Variants in MBTD1 observed in about 807,000 individuals in gnomAD.
MBTD1 encodes the protein MBT domain-containing protein 1.
In MBTD1, 24 loss-of-function variants were observed where a neutral mutation model predicts 87.8. The observed-to-expected ratio is 0.27, with a 90% CI of 0.20 to 0.38. The LOEUF (loss-of-function observed/expected upper bound fraction) is 0.38, where lower values mean the gene tolerates loss of function less well. MBTD1 is among the 10% of genes least tolerant of loss of function. MBTD1 has a pLI of 1.00. For synonymous variants in MBTD1, 237 were observed against 248.6 expected (o/e 0.95, Z 0.44); for missense variants, 436 against 760.2 (o/e 0.57, Z 5.02).
rs141644976 is a variant in MBTD1 at position 51,217,854 on chromosome 17, G to A, written c.404-438C>T. Among the ~76,000 whole-genome samples the A allele has an allele frequency of 7.2e-4, 109 of 152,136 alleles. No individual in the cohort carries two copies. The East Asian group carries it at 0.02, about 28-fold the overall frequency. On this transcript the variant is annotated intron_variant, in intron 5 of 16. Transcript: ENST00000586178. ...CAACTCCTGACCTCGTGATCCACCT[G>A]TCTTGGCCCTGGGATTACAGGTGTG...
intron 16 of MBTD1, chr17:51,185,768 A>G (rs1323883005): frequency 6.6e-6 from 1 of 152,208 alleles, no homozygotes; most frequent in African/African-American, 2.4e-5. Context: ...TTGTCTCACA[A>G]TTCCAGAACT....
intron 2 of MBTD1, among the ~76,000 whole-genome samples, chr17:51,229,372 G>T (rs1342380064): frequency 6.6e-6 from 1 of 151,102 alleles, no homozygotes; most frequent in Non-Finnish European, 1.5e-5. Context: ...CTTCTTTTTG[G>T]TATTAAATGA....
At chr17:51,228,261 C>A (rs989188094) in intron 2 of MBTD1, among the ~76,000 whole-genome samples, 1 of 151,928 alleles carries the variant, frequency 6.6e-6, no homozygotes, top group Non-Finnish European at 1.5e-5. Flanking sequence ...GGAAAAATAA[C>A]GAATGAGTAC....
intron 2 of MBTD1, chr17:51,256,229 C>T (rs1231733753): frequency 6.6e-6 from 1 of 152,120 alleles, no homozygotes; most frequent in Non-Finnish European, 1.5e-5. Context: ...TTTACAGAAA[C>T]TACAGGAGGC....
At chr17:51,188,498 GA>G (rs1350474563) in intron 16 of MBTD1, among the ~76,000 whole-genome samples, 2 of 152,288 alleles carry the variant, frequency 1.3e-5, no homozygotes, top group South Asian at 2.1e-4. Flanking sequence ...GCCAGAATAT[GA>G]TAACCTACCA....
chr17:51,259,632 C>T (rs1393967121), intron 1 of MBTD1, among the ~76,000 whole-genome samples: 3 of 150,680 alleles, frequency 2.0e-5, no homozygotes, highest in Admixed American at 1.3e-4. Flanking sequence ...CCAACGAGTC[C>T]AAGGCTGACG....
chr17:51,181,504 C>CA (rs1253541491), intron 16 of MBTD1, among the ~76,000 whole-genome samples: 2 of 151,746 alleles, frequency 1.3e-5, no homozygotes, highest in African/African-American at 2.4e-5. Flanking sequence ...CTACAAAAAA[C>CA]AAAAAAAAGC....
chr17:51,223,639 C>T (rs1021945889), intron 3 of MBTD1, among the ~76,000 whole-genome samples: 2 of 152,068 alleles, frequency 1.3e-5, no homozygotes, highest in Admixed American at 6.6e-5. Context: ...AGTTTGAGAC[C>T]GGCCTGGCCA....
chr17:51,218,522 C>CT (rs1189795359), intron 5 of MBTD1, among the ~76,000 whole-genome samples: 1 of 110,232 alleles, frequency 9.1e-6, no homozygotes, highest in Admixed American at 1.2e-4. Flanking sequence ...GAGCAAGACT[C>CT]TGTCTCCAAA....
At chr17:51,208,159 C>T (rs1568178577) in intron 6 of MBTD1, among the ~76,000 whole-genome samples, 1 of 152,160 alleles carries the variant, frequency 6.6e-6, no homozygotes, top group African/African-American at 2.4e-5. Context: ...TCAACCCCTA[C>T]CCTCTTAGTA....
chr17:51,242,549 A>T (rs1337593018), intron 2 of MBTD1, among the ~76,000 whole-genome samples: 1 of 152,234 alleles, frequency 6.6e-6, no homozygotes, highest in African/African-American at 2.4e-5. Flanking sequence ...GATTTGAAAT[A>T]AGTTAGAATT....
At chr17:51,233,455 T>C (rs1049962266) in intron 2 of MBTD1, among the ~76,000 whole-genome samples, 2 of 152,130 alleles carry the variant, frequency 1.3e-5, no homozygotes, top group Admixed American at 6.5e-5. Context: ...AAGATAGACC[T>C]TGGAATTTAA....
Position 51,202,431 on chromosome 17 carries a change from A to G in MBTD1, c.1063+270T>C, listed in dbSNP as rs1167245024. ...AATGGAAAGGGAAAGGTATCTTTAG[A>G]TCTTTCAAATGGGCTGAATAATAAA... is the stretch of plus-strand genomic sequence containing the variant. On this transcript the variant is annotated intron_variant, in intron 10 of 16. Transcript: ENST00000586178. Among the ~76,000 whole-genome samples the G allele has an allele frequency of 2.0e-5, 3 of 152,222 alleles. No homozygotes were observed. The East Asian group carries it at 5.8e-4, about 29-fold the overall frequency.
chr17:51,223,423 C>T (rs1279459410), intron 3 of MBTD1, among the ~76,000 whole-genome samples: 1 of 151,908 alleles, frequency 6.6e-6, no homozygotes, highest in Non-Finnish European at 1.5e-5. Flanking sequence ...ACAGTACCAG[C>T]TACTTGGGAG....
chr17:51,244,974 C>T (rs2054348148), intron 2 of MBTD1, among the ~76,000 whole-genome samples: 2 of 152,016 alleles, frequency 1.3e-5, no homozygotes. Flanking sequence ...GATCTCGGCT[C>T]ACTGCAACCT....
intron 6 of MBTD1, among the ~76,000 whole-genome samples, chr17:51,214,705 T>A (rs1450358220): frequency 1.3e-5 from 2 of 151,938 alleles, no homozygotes; most frequent in African/African-American, 2.4e-5. Flanking sequence ...TGAAAAAGAA[T>A]CCCCTAGGAG....
intron 2 of MBTD1, among the ~76,000 whole-genome samples, chr17:51,231,410 A>AT (rs1372710354): frequency 6.0e-5 from 9 of 150,920 alleles, no homozygotes; most frequent in African/African-American, 2.0e-4. Context: ...GACTACAGAT[A>AT]TTTTGTTTTC....
intron 2 of MBTD1, among the ~76,000 whole-genome samples, chr17:51,242,088 A>C (rs1283597400): frequency 6.6e-6 from 1 of 152,208 alleles, no homozygotes; most frequent in Non-Finnish European, 1.5e-5. Flanking sequence ...ATTTCTCCTA[A>C]CAGCCTTGGT....
chr17:51,197,096 A>G, intron 12 of MBTD1, among the ~76,000 whole-genome samples: 1 of 11,182 alleles, frequency 8.9e-5, no homozygotes, highest in Non-Finnish European at 1.4e-4. Flanking sequence ...ATATATATAT[A>G]TATATATATA....
Sources: allele counts gnomAD v4.1 joint callset (sites outside exome capture counted in the v4.1 genomes callset), GRCh38; gene constraint gnomAD v4.1.1; transcripts MANE v1.5; gene names NCBI Gene and HGNC (gene_info 2026-07-23, HGNC 2026-07-21).